Variants in RHOA observed in about 807,000 individuals in gnomAD.
The protein encoded by RHOA is ras homolog family member A.
A neutral mutation model predicts 17.5 loss-of-function variants in RHOA; 3 were observed. That is an observed-to-expected ratio of 0.17 (90% CI 0.08 to 0.44). The LOEUF (loss-of-function observed/expected upper bound fraction) is 0.44, where lower values mean the gene tolerates loss of function less well. Among genes scored for constraint, RHOA ranks in the 20% least tolerant of loss-of-function variants. The pLI is 0.99. For missense variants in RHOA, 56 were observed against 242.3 expected, an observed-to-expected ratio of 0.23 and a Z score of 5.10; for synonymous variants, 98 against 88.4, an observed-to-expected ratio of 1.11 and a Z score of -0.61.
At position 49,395,266 on chromosome 3, in the gene RHOA, A is replaced by T. The variant is rs377438890; in HGVS notation, c.-3+16554T>A. Among the ~76,000 whole-genome samples, 7 of 151,888 alleles carry T rather than the reference A, an allele frequency of 4.6e-5. No homozygotes were observed. In the East Asian group the frequency reaches 1.2e-3, roughly 25 times the overall value. On this transcript the variant is annotated intron_variant, in intron 1 of 4. Transcript: ENST00000418115. Reference sequence around the variant, plus strand: ...ACTCCGTCTCAAAAAAAAAAAAAGAATTCAGAAAGGAGATTTTTGAAAATA... The same window carrying T: ...ACTCCGTCTCAAAAAAAAAAAAAGATTTCAGAAAGGAGATTTTTGAAAATA...
chr3:49,398,636 A>T (rs878885993), intron 1 of RHOA, among the ~76,000 whole-genome samples: 2 of 150,562 alleles, frequency 1.3e-5, no homozygotes, highest in Non-Finnish European at 3.0e-5. Context: ...ATCCTGGCTA[A>T]AACACCATGA....
chr3:49,384,038 G>T (rs922416284), intron 1 of RHOA, among the ~76,000 whole-genome samples: 1 of 151,880 alleles, frequency 6.6e-6, no homozygotes, highest in Non-Finnish European at 1.5e-5. Flanking sequence ...TCAGAAAAAA[G>T]AAAGAAAAGA....
chr3:49,400,156 G>A (rs1206893424), intron 1 of RHOA, among the ~76,000 whole-genome samples: 2 of 150,002 alleles, frequency 1.3e-5, no homozygotes, highest in African/African-American at 4.9e-5. Context: ...AGCTTGCAGT[G>A]AGCCGAGACC....
In RHOA at chr3:49,381,183, T is replaced by C. The variant is rs2048310828; in HGVS notation, c.-2-5592A>G. ...ACTTTGGGAGGCTGAGGTAGGCGGA[T>C]CACTTGAGGTCCAGAGTTCAAGACC... On this transcript the variant is annotated intron_variant, in intron 1 of 4. Coordinates refer to ENST00000418115, the MANE Select transcript of RHOA (RefSeq NM_001664.4). Among the ~76,000 whole-genome samples, 3 of 151,746 alleles carry C rather than the reference T, an allele frequency of 2.0e-5. No individual in the cohort carries two copies. The South Asian group carries it at 6.3e-4, about 32-fold the overall frequency.
At chr3:49,367,350 A>G (rs1315058639) in intron 3 of RHOA, among the ~76,000 whole-genome samples, 1 of 78,514 alleles carries the variant, frequency 1.3e-5, no homozygotes. Flanking sequence ...CTCAAAAAAA[A>G]AAAAAAAAAA....
At chr3:49,368,347 T>G in intron 3 of RHOA, 81 bp downstream of exon 3, 2 of 1,533,506 alleles carry the variant, frequency 1.3e-6, no homozygotes, top group South Asian at 2.3e-5. Context: ...CATGTCTGCT[T>G]TTCAGCCACT....
At chr3:49,368,588 C>A (rs1192930393) in intron 2 of RHOA, 40 bp from the exon 3 acceptor site, 3 of 1,611,930 alleles carry the variant, frequency 1.9e-6, no homozygotes, top group Non-Finnish European at 2.5e-6. Context: ...CAAGGTTAAT[C>A]CCCCCACCCA....
intron 1 of RHOA, among the ~76,000 whole-genome samples, chr3:49,407,199 A>G (rs1309248994): frequency 6.6e-6 from 1 of 151,080 alleles, no homozygotes; most frequent in Non-Finnish European, 1.5e-5. Flanking sequence ...GAAGTCACTA[A>G]GTCAAGGAAA....
At chr3:49,363,727 C>T (rs975408762) in intron 3 of RHOA, among the ~76,000 whole-genome samples, 1 of 151,972 alleles carries the variant, frequency 6.6e-6, no homozygotes, top group Non-Finnish European at 1.5e-5. Flanking sequence ...TGGTGTGCAC[C>T]TATAGTCCCA....
At chr3:49,393,674 C>CTGTGTGTGTGTGTG (rs200446484) in intron 1 of RHOA, among the ~76,000 whole-genome samples, 5 of 4,350 alleles carry the variant, frequency 1.1e-3, no homozygotes, top group African/African-American at 3.6e-3. Flanking sequence ...CAAATTCTCT[C>CTGTGTGTGTGTGTG]TCTGTGTGTG....
Position 49,360,175 on chromosome 3 carries a change from T to G in RHOA, c.*34A>C, listed in dbSNP as rs764648651. 15 of 1,582,800 alleles carry G rather than the reference T, an allele frequency of 9.5e-6. No homozygotes were observed. Among genetic ancestry groups the G allele is most frequent in the Non-Finnish European group, 1.2e-5 (14 of 1,167,610 alleles). The stretch of plus-strand genomic sequence containing the variant: ...AAGATTAATAAACAGCACTTCAAAA[T>G]TAACCGCATAAGGGCTGTGCTTGCA... On this transcript the variant is annotated 3_prime_UTR_variant, in exon 5 of 5. Coordinates refer to ENST00000418115, the MANE Select transcript of RHOA (RefSeq NM_001664.4).
At chr3:49,371,090 A>C (rs1276456305) in intron 2 of RHOA, among the ~76,000 whole-genome samples, 1 of 150,812 alleles carries the variant, frequency 6.6e-6, no homozygotes, top group East Asian at 1.9e-4. Flanking sequence ...GGCAAATCCC[A>C]CTCTCCCGGC....
At chr3:49,403,485 C>A (rs572095239) in intron 1 of RHOA, among the ~76,000 whole-genome samples, 1 of 151,660 alleles carries the variant, frequency 6.6e-6, no homozygotes, top group South Asian at 2.1e-4. Context: ...GAGGTTGAGA[C>A]GAGAGAATCA....
At chr3:49,410,320 G>C (rs1228673241) in intron 1 of RHOA, among the ~76,000 whole-genome samples, 3 of 152,246 alleles carry the variant, frequency 2.0e-5, no homozygotes, top group Non-Finnish European at 2.9e-5. Flanking sequence ...CTGCAAATGG[G>C]GTTGGACAAC....
At chr3:49,393,047 G>T (rs1559511684) in intron 1 of RHOA, among the ~76,000 whole-genome samples, 1 of 151,946 alleles carries the variant, frequency 6.6e-6, no homozygotes, top group African/African-American at 2.4e-5. Flanking sequence ...CATGGTGAGC[G>T]TGCCTGTAAT....
At chr3:49,384,213 T>TA (rs2048361830) in intron 1 of RHOA, among the ~76,000 whole-genome samples, 1 of 152,094 alleles carries the variant, frequency 6.6e-6, no homozygotes, top group South Asian at 2.1e-4. Flanking sequence ...AGTTGAGAAG[T>TA]AAAAAGTACA....
At chr3:49,402,021 G>A (rs906621507) in intron 1 of RHOA, among the ~76,000 whole-genome samples, 8 of 152,128 alleles carry the variant, frequency 5.3e-5, no homozygotes, top group Non-Finnish European at 1.2e-4. Flanking sequence ...GGCACATGGT[G>A]GTAAGCAATG....
intron 1 of RHOA, among the ~76,000 whole-genome samples, chr3:49,387,321 G>A (rs1021878376): frequency 6.6e-6 from 1 of 150,872 alleles, no homozygotes; most frequent in African/African-American, 2.4e-5. Context: ...GCACGCACCT[G>A]TAGTCCCAGC....
At chr3:49,400,314 C>T (rs1276182466) in intron 1 of RHOA, among the ~76,000 whole-genome samples, 5 of 151,968 alleles carry the variant, frequency 3.3e-5, no homozygotes, top group Middle Eastern at 3.5e-3. Context: ...CCCCCACCAC[C>T]TCCTGTTTCT....
Sources: allele counts gnomAD v4.1 joint callset (sites outside exome capture counted in the v4.1 genomes callset), GRCh38; gene constraint gnomAD v4.1.1; transcripts MANE v1.5; gene names NCBI Gene and HGNC (gene_info 2026-07-23, HGNC 2026-07-21).